The following RSRC1 variants were observed in gnomAD, a reference collection of about 807,000 sequenced individuals.
The protein encoded by RSRC1 is arginine and serine rich coiled-coil 1.
RSRC1 carries 39 observed loss-of-function variants against 49.1 expected under a neutral mutation model. The ratio of observed to expected loss-of-function variants is 0.79; its 90% CI spans 0.61 to 1.04. The LOEUF is 1.04. Among genes scored for constraint, RSRC1 ranks in the 50% least tolerant of loss-of-function variants. The probability of loss-of-function intolerance (pLI) is 0.00; values close to 1 mark genes in which losing one functional copy is unlikely to be tolerated. For synonymous variants in RSRC1, 143 were observed against 130.8 expected (o/e 1.09, Z -0.63); for missense variants, 388 against 402.4 (o/e 0.96, Z 0.31).
chr3:158,418,490 C>T (rs1377774520), intron 6 of RSRC1, among the ~76,000 whole-genome samples: 1 of 151,894 alleles, frequency 6.6e-6, no homozygotes, highest in African/African-American at 2.4e-5. Context: ...CAGATTGATA[C>T]TCTACATGAT....
At chr3:158,442,447 T>C (rs1736433798) in intron 6 of RSRC1, among the ~76,000 whole-genome samples, 1 of 151,932 alleles carries the variant, frequency 6.6e-6, no homozygotes, top group African/African-American at 2.4e-5. Flanking sequence ...TAAGGAACAA[T>C]TTTTTTTGTT....
intron 5 of RSRC1, among the ~76,000 whole-genome samples, chr3:158,354,264 C>T (rs1482002710): frequency 2.6e-5 from 4 of 152,114 alleles, no homozygotes; most frequent in East Asian, 1.9e-4. Context: ...GCTGGGATTA[C>T]GGGCGTCAGC....
At chr3:158,318,726 A>G (rs1728600635) in intron 5 of RSRC1, among the ~76,000 whole-genome samples, 1 of 152,236 alleles carries the variant, frequency 6.6e-6, no homozygotes, top group African/African-American at 2.4e-5. Context: ...ATCTTCCTGC[A>G]TGGACTTATG....
chr3:158,436,497 C>T (rs1327924359), intron 6 of RSRC1, among the ~76,000 whole-genome samples: 1 of 151,928 alleles, frequency 6.6e-6, no homozygotes, highest in African/African-American at 2.4e-5. Flanking sequence ...CACGTGCATG[C>T]ATGCACACAT....
intron 3 of RSRC1, among the ~76,000 whole-genome samples, chr3:158,173,654 G>A (rs910329517): frequency 5.3e-5 from 8 of 151,924 alleles, no homozygotes; most frequent in African/African-American, 1.9e-4. Flanking sequence ...ACAAAGACTT[G>A]CACATGAATG....
At chr3:158,363,210 A>G (rs1471259328) in intron 6 of RSRC1, among the ~76,000 whole-genome samples, 1 of 152,156 alleles carries the variant, frequency 6.6e-6, no homozygotes, top group Non-Finnish European at 1.5e-5. Flanking sequence ...CAGAGCTAAT[A>G]AGTGATAGAA....
intron 6 of RSRC1, among the ~76,000 whole-genome samples, chr3:158,423,618 G>A (rs1017343216): frequency 3.3e-5 from 5 of 151,910 alleles, no homozygotes; most frequent in Admixed American, 1.3e-4. Context: ...GTGAAGAAAG[G>A]CATTGGTAGC....
intron 4 of RSRC1, among the ~76,000 whole-genome samples, chr3:158,265,092 G>A (rs527785837): frequency 6.6e-6 from 1 of 152,284 alleles, no homozygotes; most frequent in South Asian, 2.1e-4. Flanking sequence ...GCAAATCCAG[G>A]AGTTTGCCAA....
chr3:158,243,678 G>T (rs1333189255), intron 4 of RSRC1, among the ~76,000 whole-genome samples: 1 of 152,138 alleles, frequency 6.6e-6, no homozygotes, highest in African/African-American at 2.4e-5. Context: ...CATGAGCATG[G>T]AGTGTTTTTC....
At chr3:158,136,670 T>A (rs1716395808) in intron 3 of RSRC1, 1 of 152,232 alleles carries the variant, frequency 6.6e-6, no homozygotes, top group Non-Finnish European at 1.5e-5. Context: ...CAGAAATGGT[T>A]CTGTTCAGTG....
At chr3:158,265,155 A>C (rs758014204) in intron 4 of RSRC1, among the ~76,000 whole-genome samples, 1 of 152,172 alleles carries the variant, frequency 6.6e-6, no homozygotes, top group Non-Finnish European at 1.5e-5. Context: ...ACAGGCCTTC[A>C]TACTTTGTTT....
At chr3:158,200,789 G>A (rs770249148) in intron 3 of RSRC1, among the ~76,000 whole-genome samples, 1 of 151,994 alleles carries the variant, frequency 6.6e-6, no homozygotes, top group Non-Finnish European at 1.5e-5. Flanking sequence ...CCTGCCCCAT[G>A]CTTTATTCTA....
chr3:158,367,118 A>G (rs961885049), intron 6 of RSRC1, among the ~76,000 whole-genome samples: 1 of 152,104 alleles, frequency 6.6e-6, no homozygotes, highest in Non-Finnish European at 1.5e-5. Flanking sequence ...CTCTCTTCCT[A>G]TTTGAATACC....
chr3:158,432,235 G>T (rs1048131945), intron 6 of RSRC1, among the ~76,000 whole-genome samples: 1 of 151,934 alleles, frequency 6.6e-6, no homozygotes, highest in Non-Finnish European at 1.5e-5. Flanking sequence ...TTTGAATGAG[G>T]ATTGAATTGG....
chr3:158,511,782 C>A lies in RSRC1; in HGVS notation c.653-25310C>A, dbSNP rs564719167. On this transcript the variant is annotated intron_variant, in intron 7 of 9. Transcript: ENST00000611884. ...TATTTCTCCACATCCTCTCCAGCACCTGTTGTTTCCTAACTTTTTAATGAT... is the reference window on the plus strand; with the variant it reads ...TATTTCTCCACATCCTCTCCAGCACATGTTGTTTCCTAACTTTTTAATGAT... 2.7e-4 allele frequency among the ~76,000 whole-genome samples: 41 copies of A among 152,070 alleles called. No homozygotes were observed. In the South Asian group the frequency reaches 8.3e-3, roughly 31 times the overall value.
At chr3:158,283,815 G>A (rs143052313) in intron 4 of RSRC1, among the ~76,000 whole-genome samples, 7 of 151,962 alleles carry the variant, frequency 4.6e-5, no homozygotes, top group African/African-American at 1.7e-4. Flanking sequence ...TGCTTCCACT[G>A]GCAGTGCATG....
intron 5 of RSRC1, among the ~76,000 whole-genome samples, chr3:158,345,689 G>T (rs186345188): frequency 6.6e-6 from 1 of 151,872 alleles, no homozygotes; most frequent in Non-Finnish European, 1.5e-5. Context: ...AATCAAGACA[G>T]TGGGGTGCTG....
chr3:158,246,029 A>C (rs1052913143), intron 4 of RSRC1, among the ~76,000 whole-genome samples: 1 of 152,076 alleles, frequency 6.6e-6, no homozygotes, highest in African/African-American at 2.4e-5. Context: ...CATTTATACC[A>C]TTTACATTTA....
intron 3 of RSRC1, among the ~76,000 whole-genome samples, chr3:158,124,820 CT>C (rs35329457): frequency 0.65 from 77,649 of 120,224 alleles, 24,094 homozygotes; most frequent in East Asian, 0.76. Context: ...TTCTTTCTTT[CT>C]TTTTTTTTTT....
Sources: allele counts gnomAD v4.1 joint callset (sites outside exome capture counted in the v4.1 genomes callset), GRCh38; gene constraint gnomAD v4.1.1; transcripts MANE v1.5; gene names NCBI Gene and HGNC (gene_info 2026-07-23, HGNC 2026-07-21).